The following FAF2 variants were observed in gnomAD, a reference collection of about 807,000 sequenced individuals.
The protein encoded by FAF2 is FAS-associated factor 2.
Under a neutral mutation model 62.3 loss-of-function variants are expected in FAF2, and 9 were observed. The observed-to-expected ratio is 0.14, with a 90% confidence interval of 0.09 to 0.25. The LOEUF (loss-of-function observed/expected upper bound fraction) is 0.25, where lower values mean the gene tolerates loss of function less well. FAF2 is among the 10% of genes least tolerant of loss of function. The pLI, the probability that FAF2 is intolerant of heterozygous loss-of-function variation, is 1.00. For synonymous variants in FAF2, 202 were observed against 198.0 expected, an observed-to-expected ratio of 1.02 and a Z score of -0.17; for missense variants, 368 against 556.2, an observed-to-expected ratio of 0.66 and a Z score of 3.40.
At chr5:176,473,512 C>T (rs970732991) in intron 1 of FAF2, among the ~76,000 whole-genome samples, 1 of 152,182 alleles carries the variant, frequency 6.6e-6, no homozygotes, top group Non-Finnish European at 1.5e-5. Context: ...TCCCCCTGCC[C>T]TGTTTCCGTT....
chr5:176,450,753 C>T (rs1019586853), intron 1 of FAF2, among the ~76,000 whole-genome samples: 5 of 152,100 alleles, frequency 3.3e-5, no homozygotes, highest in Non-Finnish European at 5.9e-5. Context: ...CGGGGTTTCA[C>T]GATGTTGGCC....
intron 1 of FAF2, among the ~76,000 whole-genome samples, chr5:176,461,312 C>CTTTTTTT (rs60608969): frequency 1.3e-4 from 9 of 70,736 alleles, no homozygotes; most frequent in South Asian, 7.2e-4. Flanking sequence ...CTGTGCCCAG[C>CTTTTTTT]TTTTTTTTTT....
At chr5:176,451,894 T>TATATACATA (rs1561813682) in intron 1 of FAF2, among the ~76,000 whole-genome samples, 1 of 13,502 alleles carries the variant, frequency 7.4e-5, no homozygotes, top group Non-Finnish European at 1.3e-4. Flanking sequence ...ATATATATAT[T>TATATACATA]TTTTTTTTTT....
intron 10 of FAF2, among the ~76,000 whole-genome samples, chr5:176,503,345 A>G (rs1200292423): frequency 1.3e-5 from 2 of 152,068 alleles, no homozygotes. Flanking sequence ...ACCAGGGGTC[A>G]GGAGTTTGAG....
At chr5:176,449,299 A>G (rs1300209926) in intron 1 of FAF2, among the ~76,000 whole-genome samples, 1 of 152,210 alleles carries the variant, frequency 6.6e-6, no homozygotes, top group Non-Finnish European at 1.5e-5. Context: ...CCCCCAGGCC[A>G]GGAGCGGTGG....
rs186751607 is a variant in FAF2 at position 176,461,074 on chromosome 5, G to A, written c.63+12604G>A. Among the ~76,000 whole-genome samples the A allele has an allele frequency of 1.1e-4, 16 of 150,308 alleles. 1 individual carries two copies. Among genetic ancestry groups the A allele is most frequent in the African/African-American group, 3.9e-4 (16 of 40,842 alleles). ...GTCGCCTAGGCTGGAGTGCAGTAGT[G>A]CCATCTTGGCTCACTGCAACCTCTG... On this transcript the variant is annotated intron_variant, in intron 1 of 10. Transcript: ENST00000261942.
intron 1 of FAF2, among the ~76,000 whole-genome samples, chr5:176,454,577 GAAAAAAAAAAAAAA>G (rs56324116): frequency 0.55 from 53,094 of 96,410 alleles, 12,996 homozygotes; most frequent in Admixed American, 0.58. Context: ...GATTCTGTCT[GAAAAAAAAAAAAAA>G]AAAAAAAAAA....
At chr5:176,482,290 T>C (rs188641976) in intron 2 of FAF2, among the ~76,000 whole-genome samples, 2 of 151,186 alleles carry the variant, frequency 1.3e-5, no homozygotes, top group Admixed American at 6.6e-5. Flanking sequence ...TGATCACGGC[T>C]CACTGCAACC....
chr5:176,451,886 ATATATATTTTTTTTTTTTTTT>A (rs1758190169), intron 1 of FAF2, among the ~76,000 whole-genome samples: 5 of 29,242 alleles, frequency 1.7e-4, no homozygotes, highest in East Asian at 8.3e-4. Context: ...ATATATATAT[ATATATATTTTTTTTTTTTTTT>A]TTTTTTTTTT....
chr5:176,476,110 AT>A (rs1758683259), intron 1 of FAF2, among the ~76,000 whole-genome samples: 1 of 152,076 alleles, frequency 6.6e-6, no homozygotes, highest in Admixed American at 6.6e-5. Flanking sequence ...AAATAGAAAA[AT>A]TAGCCAAGTG....
At position 176,448,428 on chromosome 5, in the gene FAF2, G is replaced by T. The variant is rs1758105942; in HGVS notation, c.21G>T (p.Arg7=). The change falls in exon 1 of 11, where the codon CGG becomes CGT. Residue 7 remains arginine, a synonymous_variant. Transcript: ENST00000261942. The stretch of plus-strand genomic sequence containing the variant: ...GCAAAATGGCGGCGCCTGAGGAGCG[G>T]GATCTAACCCAGGAGCAGACAGAGA... The part of the protein sequence containing the change: MAAPEE[R]DLTQEQTEKL... 2 of 1,607,658 alleles carry T rather than the reference G, an allele frequency of 1.2e-6. No homozygotes were observed. Among genetic ancestry groups the T allele is most frequent in the Non-Finnish European group, 1.7e-6 (2 of 1,177,324 alleles).
At chr5:176,467,041 G>A (rs983866704) in intron 1 of FAF2, among the ~76,000 whole-genome samples, 1 of 152,098 alleles carries the variant, frequency 6.6e-6, no homozygotes, top group Non-Finnish European at 1.5e-5. Context: ...CTGAAGGGAG[G>A]AGGAAGGAGG....
intron 1 of FAF2, among the ~76,000 whole-genome samples, chr5:176,459,015 A>G (rs1758328495): frequency 6.6e-6 from 1 of 152,106 alleles, no homozygotes; most frequent in Admixed American, 6.6e-5. Flanking sequence ...TAATAAAATA[A>G]TTTACATGTC....
At chr5:176,485,015 G>C (rs1470496710) in intron 2 of FAF2, among the ~76,000 whole-genome samples, 1 of 152,170 alleles carries the variant, frequency 6.6e-6, no homozygotes, top group Non-Finnish European at 1.5e-5. Context: ...GAAATTCATA[G>C]TAGTTTTATG....
chr5:176,506,227 C>T (rs1272050575), intron 10 of FAF2, among the ~76,000 whole-genome samples: 1 of 151,512 alleles, frequency 6.6e-6, no homozygotes, highest in African/African-American at 2.4e-5. Flanking sequence ...AAACTGGATC[C>T]CTTTGCTATT....
intron 10 of FAF2, among the ~76,000 whole-genome samples, chr5:176,502,265 A>C (rs977027772): frequency 2.0e-5 from 3 of 152,198 alleles, no homozygotes; most frequent in African/African-American, 7.2e-5. Context: ...TACCCTAAAA[A>C]TTCTGATAGA....
chr5:176,458,024 C>G (rs1214952446), intron 1 of FAF2, among the ~76,000 whole-genome samples: 1 of 152,238 alleles, frequency 6.6e-6, no homozygotes, highest in East Asian at 1.9e-4. Context: ...CTCAATTCAG[C>G]CTTCCTACTT....
At chr5:176,454,577 GAAAAAAAAAA>G (rs56324116) in intron 1 of FAF2, among the ~76,000 whole-genome samples, 98 of 95,296 alleles carry the variant, frequency 1.0e-3, no homozygotes, top group African/African-American at 3.7e-3. Context: ...GATTCTGTCT[GAAAAAAAAAA>G]AAAAAAAAAA....
At chr5:176,455,845 T>C (rs1448661955) in intron 1 of FAF2, among the ~76,000 whole-genome samples, 1 of 148,674 alleles carries the variant, frequency 6.7e-6, no homozygotes, top group Non-Finnish European at 1.5e-5. Context: ...CTTATGTTCA[T>C]GTGAGTACTT....
Sources: gnomAD v4.1 joint callset for allele counts (sites outside exome capture counted in the v4.1 genomes callset) on GRCh38, gnomAD v4.1.1 for gene constraint, MANE v1.5 for transcripts, NCBI Gene and HGNC (gene_info 2026-07-23, HGNC 2026-07-21) for gene names.